Variants in DPY19L4 observed in about 807,000 individuals in gnomAD.
The protein encoded by DPY19L4 is dpy-19 like 4.
Under a neutral mutation model 102.8 loss-of-function variants are expected in DPY19L4, and 97 were observed. The observed-to-expected ratio is 0.94, with a 90% CI of 0.80 to 1.12. The LOEUF is 1.12. DPY19L4 is among the 50% of genes most tolerant of loss of function. The probability of loss-of-function intolerance (pLI) is 0.00; values close to 1 mark genes in which losing one functional copy is unlikely to be tolerated. For synonymous variants in DPY19L4, 252 were observed against 283.1 expected (o/e 0.89, Z 1.10); for missense variants, 815 against 850.4 (o/e 0.96, Z 0.52).
chr8:94,770,630 A>C (rs903356490), intron 13 of DPY19L4, 59 bp downstream of exon 13: 1 of 1,601,170 alleles, frequency 6.2e-7, no homozygotes, highest in Non-Finnish European at 8.5e-7. Flanking sequence ...GAGTGCGGTG[A>C]CTCACACCTG....
At chr8:94,729,516 T>C (rs1810842851) in intron 2 of DPY19L4, among the ~76,000 whole-genome samples, 1 of 143,286 alleles carries the variant, frequency 7.0e-6, no homozygotes, top group Non-Finnish European at 1.5e-5. Flanking sequence ...CAAGAATTGC[T>C]TGAATTCAGG....
chr8:94,745,656 G>A (rs1030863902), intron 6 of DPY19L4, among the ~76,000 whole-genome samples: 3 of 152,246 alleles, frequency 2.0e-5, no homozygotes, highest in Admixed American at 2.0e-4. Flanking sequence ...CAATTTTAGG[G>A]AGCAGTTTCT....
intron 8 of DPY19L4, 125 bp downstream of exon 8, chr8:94,761,959 G>A: frequency 1.0e-6 from 1 of 988,804 alleles, no homozygotes; most frequent in Non-Finnish European, 1.4e-6. Context: ...CAATATTTAA[G>A]TTATTTGGAC....
In DPY19L4 at chr8:94,720,033, A is replaced by G. The variant is rs2130769768; in HGVS notation, c.16+19A>G. 1.3e-6 allele frequency: 2 copies of G among 1,527,552 alleles called. No homozygotes were observed. Among genetic ancestry groups the G allele is most frequent in the East Asian group, 2.6e-5 (1 of 38,062 alleles). The allele number at this position is 1,527,552 out of a possible 1,614,324, so 94.6% of individuals were successfully genotyped here. ...GAAGAAGGTGATTGCCGCGGGGTCCAGCGCGCCAACGGCTGCCAGTGGTCT... is the reference window on the plus strand; with the variant it reads ...GAAGAAGGTGATTGCCGCGGGGTCCGGCGCGCCAACGGCTGCCAGTGGTCT... On this transcript the variant is annotated intron_variant, in intron 1 of 18. Transcript: ENST00000414645.
At chr8:94,723,469 G>A (rs151018412) in intron 1 of DPY19L4, among the ~76,000 whole-genome samples, 3,392 of 148,508 alleles carry the variant, frequency 0.023, 132 homozygotes, top group African/African-American at 0.078. Flanking sequence ...GTGAAACTCC[G>A]TCTCAAAAAA....
intron 12 of DPY19L4, among the ~76,000 whole-genome samples, chr8:94,770,173 C>G (rs1812863926): frequency 6.6e-6 from 1 of 152,160 alleles, no homozygotes; most frequent in African/African-American, 2.4e-5. Flanking sequence ...AGGCGTAAGT[C>G]ACTGCCCCTA....
rs553372293 is a variant in DPY19L4, at chr8:94,790,657, T to C, written c.*747T>C. On this transcript the variant is annotated 3_prime_UTR_variant, in exon 19 of 19. Coordinates refer to ENST00000414645, the MANE Select transcript of DPY19L4 (RefSeq NM_181787.3). ...TGATAAAACAATAACCGTTAACATATATTTTGTTAAATGGACATTTAAAAG... is the reference window on the plus strand; with the variant it reads ...TGATAAAACAATAACCGTTAACATACATTTTGTTAAATGGACATTTAAAAG... 1 of 152,240 alleles carries C rather than the reference T, an allele frequency of 6.6e-6. No individual in the cohort carries two copies. The highest frequency in any genetic ancestry group is 1.9e-4 in the East Asian group (1 of 5,194). 9.4% of individuals were successfully genotyped at this position (152,240 alleles called of 1,614,324 possible).
chr8:94,745,777 G>A (rs761774243), intron 6 of DPY19L4, among the ~76,000 whole-genome samples: 6 of 151,712 alleles, frequency 4.0e-5, no homozygotes, highest in East Asian at 1.9e-4. Flanking sequence ...TTTTTGAGAC[G>A]GAGTTTCACT....
At chr8:94,722,367 A>G (rs1361334211) in intron 1 of DPY19L4, among the ~76,000 whole-genome samples, 1 of 152,130 alleles carries the variant, frequency 6.6e-6, no homozygotes, top group Admixed American at 6.6e-5. Context: ...AGATCGCCCC[A>G]CTGCACTCCA....
intron 8 of DPY19L4, among the ~76,000 whole-genome samples, chr8:94,762,153 A>C (rs1175625806): frequency 8.5e-5 from 13 of 152,238 alleles, no homozygotes; most frequent in Non-Finnish European, 1.9e-4. Flanking sequence ...GCTGATACTC[A>C]GACTTTTGAG....
chr8:94,770,523 A>G lies in DPY19L4; in HGVS notation c.1406A>G (p.His469Arg). The change falls in exon 13 of 19, where the codon CAT (histidine) becomes CGT (arginine). Residue 469 changes from histidine (H) to arginine (R), a missense_variant. Transcript: ENST00000414645. ...GGAGAAAGACCAGAAATAATTTATCATGTAATTCACACTATTTTATTGGGT... is the reference window on the plus strand; with the variant it reads ...GGAGAAAGACCAGAAATAATTTATCGTGTAATTCACACTATTTTATTGGGT... ...RIGERPEIIY[H>R]VIHTILLGSL... is the part of the protein sequence containing the mutation. 6.2e-7 allele frequency: 1 copy of G among 1,613,914 alleles called. No homozygotes were observed. Among genetic ancestry groups the G allele is most frequent in the Non-Finnish European group, 8.5e-7 (1 of 1,179,878 alleles).
intron 3 of DPY19L4, among the ~76,000 whole-genome samples, chr8:94,738,007 G>A (rs923128342): frequency 1.2e-4 from 18 of 152,096 alleles, no homozygotes; most frequent in African/African-American, 4.3e-4. Flanking sequence ...GAGAGACTCT[G>A]TCTCTTAAAA....
chr8:94,777,444 A>T (rs1473511131), intron 13 of DPY19L4, among the ~76,000 whole-genome samples: 1 of 152,190 alleles, frequency 6.6e-6, no homozygotes, highest in Non-Finnish European at 1.5e-5. Flanking sequence ...CCTCATCAGT[A>T]TTAATGCTTT....
chr8:94,780,381 T>C lies in DPY19L4; in HGVS notation c.1598T>C (p.Val533Ala). Residue 533 changes from valine (V) to alanine (A), a missense_variant, in exon 15 of 19, where the codon GTG becomes GCG. By Grantham distance (64) the Val-to-Ala change is moderately conservative (BLOSUM62 0). Coordinates refer to ENST00000414645, the MANE Select transcript of DPY19L4 (RefSeq NM_181787.3). The stretch of plus-strand genomic sequence containing the variant: ...TAGGCTCTTATTCTGAGCATGGCCG[T>C]GCCTACTATAATAGGTCTCAGCTTA... ...ILLALILSMA[V>A]PTIIGLSLWK... The C allele has an allele frequency of 1.3e-6, 2 of 1,491,052 alleles. No homozygotes were observed. The highest frequency in any genetic ancestry group is 1.8e-6 in the Non-Finnish European group (2 of 1,105,980). 92.4% of individuals were successfully genotyped at this position (1,491,052 alleles called of 1,614,324 possible). A position where few individuals can be genotyped will look rare whatever the true frequency, so the allele number is the denominator to read the frequency against.
intron 17 of DPY19L4, 23 bp from the exon 18 acceptor site, chr8:94,787,871 T>G: frequency 6.3e-6 from 8 of 1,273,310 alleles, no homozygotes; most frequent in Non-Finnish European, 8.1e-6. Flanking sequence ...TCTTTCAGTT[T>G]TATTTTAATT....
intron 13 of DPY19L4, among the ~76,000 whole-genome samples, chr8:94,772,537 C>T (rs1301001423): frequency 5.3e-5 from 8 of 152,364 alleles, no homozygotes; most frequent in African/African-American, 1.9e-4. Flanking sequence ...ATCGTGCAGA[C>T]AGCACCTGTT....
chr8:94,732,480 C>T (rs989137395), intron 2 of DPY19L4, among the ~76,000 whole-genome samples: 17 of 151,988 alleles, frequency 1.1e-4, no homozygotes, highest in African/African-American at 3.6e-4. Context: ...TCTGTTGAGA[C>T]CAGGATTTCA....
chr8:94,771,156 C>T (rs564036128), intron 13 of DPY19L4, among the ~76,000 whole-genome samples: 1 of 152,282 alleles, frequency 6.6e-6, no homozygotes, highest in South Asian at 2.1e-4. Context: ...ACCTCGTTAT[C>T]TGCCCACCTT....
chr8:94,765,221 T>C lies in DPY19L4; in HGVS notation c.909T>C (p.Phe303=), dbSNP rs894792277. The change falls in exon 9 of 19, where the codon TTT becomes TTC. Residue 303 remains phenylalanine, a synonymous_variant. Transcript: ENST00000414645. ...EVYKIYIFSL[F]LGYLLQFENP... is the part of the protein sequence containing the mutation. ...ATAAAATCTACATATTTTCCCTCTT[T>C]CTGGGATATTTACTACAGTTTGAGA... 1 of 1,591,494 alleles carries C rather than the reference T, an allele frequency of 6.3e-7. No homozygotes were observed. The highest frequency in any genetic ancestry group is 1.4e-5 in the African/African-American group (1 of 73,924).
Sources: allele counts gnomAD v4.1 joint callset (sites outside exome capture counted in the v4.1 genomes callset), GRCh38; gene constraint gnomAD v4.1.1; transcripts MANE v1.5; gene names NCBI Gene and HGNC (gene_info 2026-07-23, HGNC 2026-07-21).